Variants in OSBP2 observed in about 807,000 individuals in gnomAD.
OSBP2 encodes the protein oxysterol binding protein 2.
OSBP2 carries 66 observed loss-of-function variants against 96.0 expected under a neutral mutation model. The observed-to-expected ratio is 0.69, with a 90% CI of 0.56 to 0.84. OSBP2 has a LOEUF of 0.84. Among genes scored for constraint, OSBP2 ranks in the 40% least tolerant of loss-of-function variants. OSBP2 has a pLI of 0.00. For missense variants in OSBP2, 1,038 were observed against 1,222.7 expected (o/e 0.85, Z 2.25); for synonymous variants, 525 against 520.9 (o/e 1.01, Z -0.11).
intron 12 of OSBP2, chr22:30,902,499 T>G: frequency 6.4e-7 from 1 of 1,562,014 alleles, no homozygotes; most frequent in Non-Finnish European, 8.8e-7. Flanking sequence ...GTGTACCAGA[T>G]GACGAAGCTT....
chr22:30,836,486 A>G (rs2038635337), intron 2 of OSBP2, among the ~76,000 whole-genome samples: 1 of 152,232 alleles, frequency 6.6e-6, no homozygotes, highest in Non-Finnish European at 1.5e-5. Flanking sequence ...CAACAGTTGA[A>G]GACCTTTCCT....
chr22:30,894,350 G>GA (rs781034228), intron 12 of OSBP2: 167 of 219,448 alleles, frequency 7.6e-4, no homozygotes, highest in Middle Eastern at 5.1e-3. Flanking sequence ...TCGACAAAGG[G>GA]AAAAAAAAAT....
chr22:30,878,149 G>A (rs1217428192), intron 3 of OSBP2, among the ~76,000 whole-genome samples: 1 of 152,232 alleles, frequency 6.6e-6, no homozygotes, highest in Non-Finnish European at 1.5e-5. Context: ...AAGGGACCTT[G>A]TGCTGACAGT....
chr22:30,767,545 C>CTT (rs695843), intron 2 of OSBP2, among the ~76,000 whole-genome samples: 9,680 of 146,418 alleles, frequency 0.066, 325 homozygotes, highest in Middle Eastern at 0.082. Flanking sequence ...ATCAGAATTC[C>CTT]TTTTTTTTTT....
intron 2 of OSBP2, among the ~76,000 whole-genome samples, chr22:30,773,494 C>T (rs2090383731): frequency 6.6e-6 from 1 of 152,168 alleles, no homozygotes; most frequent in Admixed American, 6.6e-5. Context: ...TTTGACTTCC[C>T]TGATAATCCA....
In OSBP2 at chr22:30,822,364, A is replaced by G. The variant is rs55788423; in HGVS notation, c.854-48065A>G. Among the ~76,000 whole-genome samples the G allele has an allele frequency of 5.1e-3, 773 of 152,284 alleles. 3 individuals are homozygous for G. The highest frequency in any genetic ancestry group is 0.01 in the Middle Eastern group (3 of 290). ...CACGGACCAGCAGGCGACGCGCGGG[A>G]CGAGGCCGCGCTCCTGGGGCGGGAG... On this transcript the variant is annotated intron_variant, in intron 2 of 13. Coordinates refer to ENST00000332585, the MANE Select transcript of OSBP2 (RefSeq NM_030758.4).
At chr22:30,744,403 G>A (rs1299685050) in intron 2 of OSBP2, among the ~76,000 whole-genome samples, 2 of 152,088 alleles carry the variant, frequency 1.3e-5, no homozygotes, top group Non-Finnish European at 2.9e-5. Flanking sequence ...CCCGGGGCCT[G>A]TTTTCTTCTC....
At position 30,889,480 on chromosome 22, in the gene OSBP2, T is replaced by C. The variant is rs1300774341; in HGVS notation, c.1477-10T>C. 1 of 1,613,840 alleles carries C rather than the reference T, an allele frequency of 6.2e-7. No homozygotes were observed. Among genetic ancestry groups the C allele is most frequent in the East Asian group, 2.2e-5 (1 of 44,890 alleles). ...TGCTGACGGTGAGGGGGTCCCCACT[T>C]ATGTGGCAGGTACTAGATGGTGCCT... On this transcript the variant is annotated splice_polypyrimidine_tract_variant and intron_variant, in intron 6 of 13. Transcript: ENST00000332585.
intron 2 of OSBP2, among the ~76,000 whole-genome samples, chr22:30,848,935 G>T (rs1157924531): frequency 6.6e-6 from 1 of 152,104 alleles, no homozygotes; most frequent in African/African-American, 2.4e-5. Context: ...TCTAGAAGTG[G>T]AATTATAGGT....
chr22:30,830,897 A>AC (rs60061611), intron 2 of OSBP2, among the ~76,000 whole-genome samples: 1 of 151,458 alleles, frequency 6.6e-6, no homozygotes. Context: ...AAAAAAAAAA[A>AC]TGTCATTTTC....
intron 2 of OSBP2, among the ~76,000 whole-genome samples, chr22:30,851,072 G>A (rs1217624547): frequency 1.3e-5 from 2 of 151,504 alleles, no homozygotes; most frequent in African/African-American, 4.8e-5. Flanking sequence ...TTATTTTATT[G>A]TTTTTTTGAG....
intron 12 of OSBP2, chr22:30,902,922 G>A: frequency 4.2e-6 from 1 of 237,410 alleles, no homozygotes; most frequent in Non-Finnish European, 8.9e-6. Context: ...TGTTGTGAGT[G>A]CATGCCAGCT....
At chr22:30,721,293 G>A (rs2089546579) in intron 1 of OSBP2, among the ~76,000 whole-genome samples, 1 of 152,168 alleles carries the variant, frequency 6.6e-6, no homozygotes, top group Admixed American at 6.6e-5. Flanking sequence ...GACAAATGGT[G>A]CATGGGAGAA....
chr22:30,746,157 G>A (rs924588812), intron 2 of OSBP2, among the ~76,000 whole-genome samples: 10 of 152,104 alleles, frequency 6.6e-5, no homozygotes, highest in Admixed American at 2.6e-4. Context: ...GGTGGGTCAC[G>A]TCTGTAATTC....
At chr22:30,785,629 T>G (rs1394415518) in intron 2 of OSBP2, among the ~76,000 whole-genome samples, 1 of 152,052 alleles carries the variant, frequency 6.6e-6, no homozygotes, top group Non-Finnish European at 1.5e-5. Flanking sequence ...CTTGCTAAAT[T>G]TTATAGAGGT....
chr22:30,705,665 G>A (rs561944820), intron 1 of OSBP2, among the ~76,000 whole-genome samples: 1 of 152,220 alleles, frequency 6.6e-6, no homozygotes, highest in South Asian at 2.1e-4. Context: ...AACCTTGTAC[G>A]TTTCTCAGGG....
At chr22:30,811,604 G>T (rs2091007520) in intron 2 of OSBP2, among the ~76,000 whole-genome samples, 1 of 151,786 alleles carries the variant, frequency 6.6e-6, no homozygotes, top group Non-Finnish European at 1.5e-5. Flanking sequence ...GCCCAGGCTG[G>T]AGTGCAATGA....
chr22:30,858,198 C>G (rs1469243458), intron 2 of OSBP2, among the ~76,000 whole-genome samples: 91 of 146,132 alleles, frequency 6.2e-4, no homozygotes, highest in East Asian at 1.9e-3. Context: ...GGACTGCGGA[C>G]TGCAGTGGCG....
At chr22:30,897,417 T>C (rs1569173439) in intron 12 of OSBP2, among the ~76,000 whole-genome samples, 2 of 152,218 alleles carry the variant, frequency 1.3e-5, no homozygotes, top group Non-Finnish European at 2.9e-5. Flanking sequence ...TTCTCAAGTA[T>C]ACATGGAATG....
Sources: allele counts gnomAD v4.1 joint callset (sites outside exome capture counted in the v4.1 genomes callset), GRCh38; gene constraint gnomAD v4.1.1; transcripts MANE v1.5; gene names NCBI Gene and HGNC (gene_info 2026-07-23, HGNC 2026-07-21).